The following PDE1B variants were observed in gnomAD, a reference collection of about 807,000 sequenced individuals.
The protein encoded by PDE1B is phosphodiesterase 1B.
Under a neutral mutation model 66.7 loss-of-function variants are expected in PDE1B, and 13 were observed. That is an observed-to-expected ratio of 0.19 (90% CI 0.13 to 0.31). The LOEUF is 0.31. Among genes scored for constraint, PDE1B ranks in the 10% least tolerant of loss-of-function variants. The pLI is 1.00. For synonymous variants in PDE1B, 230 were observed against 253.9 expected, an observed-to-expected ratio of 0.91 and a Z score of 0.90; for missense variants, 485 against 682.3, an observed-to-expected ratio of 0.71 and a Z score of 3.22.
rs1957588965 is a variant in PDE1B, at chr12:54,569,994, C to A, written c.478-247C>A. ...GGATTACAGACGTGAGCCACTGCGC[C>A]CGGCCTGCCTTCCCTTTTAACTGTT... is the stretch of plus-strand genomic sequence containing the variant. On this transcript the variant is annotated intron_variant, in intron 5 of 15. Transcript: ENST00000243052. The surrounding 1 kb of genome is among the most constrained non-coding windows in gnomAD (Gnocchi z 4.4). 6.6e-6 allele frequency among the ~76,000 whole-genome samples: 1 copy of A among 152,210 alleles called. No individual in the cohort carries two copies. Among genetic ancestry groups the A allele is most frequent in the Non-Finnish European group, 1.5e-5 (1 of 68,038 alleles).
chr12:54,552,514 T>C (rs573956361), intron 2 of PDE1B, among the ~76,000 whole-genome samples: 4 of 152,332 alleles, frequency 2.6e-5, no homozygotes. Context: ...ACATCCAGAC[T>C]TTCTTCAGGG....
Position 54,569,705 on chromosome 12 carries a change from T to TC in PDE1B, c.477+95dup, listed in dbSNP as rs1187596658. On this transcript the variant is annotated intron_variant, in intron 5 of 15. Coordinates refer to ENST00000243052, the MANE Select transcript of PDE1B (RefSeq NM_000924.4). This position sits in a 1 kb window ranked among gnomAD's most constrained non-coding sequence, Gnocchi z 4.4. ...CCTGTTTATGGCATTATTTTTGCCT[T>TC]CCTTTTTTTTTTTTGAAATGGAGTC... 1.2e-6 allele frequency: 1 copy of TC among 828,450 alleles called. No homozygotes were observed. The allele number at this position is 828,450 out of a possible 1,614,324, so 51.3% of individuals were successfully genotyped here.
At position 54,550,141 on chromosome 12, in the gene PDE1B, G is replaced by C; in HGVS notation, c.113+156G>C. 2.1e-6 allele frequency: 3 copies of C among 1,440,358 alleles called. No homozygotes were observed. The Admixed American group carries it at 7.8e-5, about 38-fold the overall frequency. 89.2% of individuals were successfully genotyped at this position (1,440,358 alleles called of 1,614,324 possible). A position where few individuals can be genotyped will look rare whatever the true frequency, so the allele number is the denominator to read the frequency against. On this transcript the variant is annotated intron_variant, in intron 2 of 15. Transcript: ENST00000243052. The stretch of plus-strand genomic sequence containing the variant: ...AGCACGGCCCTGACACGCGTGGCCA[G>C]GCCACATGTGCAAGGCATGTGCGGA...
Position 54,573,181 on chromosome 12 carries a change from A to T in PDE1B, c.769A>T (p.Ile257Phe), listed in dbSNP as rs143034173. The T allele has an allele frequency of 1.7e-5, 28 of 1,613,874 alleles. No homozygotes were observed. Among genetic ancestry groups the T allele is most frequent in the Non-Finnish European group, 2.3e-5 (27 of 1,179,984 alleles). The change falls in exon 8 of 16, where the codon ATC becomes TTC. Residue 257 changes from isoleucine (I) to phenylalanine (F), a missense_variant. By Grantham distance (21) the Ile-to-Phe change is conservative. Transcript: ENST00000243052. This position sits in a 1 kb window ranked among gnomAD's most constrained non-coding sequence, Gnocchi z 5.2. ...GTCGGAGATTGAGCTCCTGGCCATCATCTTTGCTGCAGCTATCCATGATTA... is the reference window on the plus strand; with the variant it reads ...GTCGGAGATTGAGCTCCTGGCCATCTTCTTTGCTGCAGCTATCCATGATTA... Reference protein sequence around the residue: ...CLSEIELLAIIFAAAIHDYEH... With the variant: ...CLSEIELLAIFFAAAIHDYEH...
Position 54,576,077 on chromosome 12 carries a change from C to T in PDE1B, c.1353C>T (p.Asp451=). Residue 451 remains aspartate, a synonymous_variant, in exon 13 of 16, where the codon GAC becomes GAT. Coordinates refer to ENST00000243052, the MANE Select transcript of PDE1B (RefSeq NM_000924.4). ...EKSVQPLADE[D]SKSKNQPSFQ... ...GTGTTCAGCCCCTGGCGGATGAGGA[C>T]TCCAAGTCTAAAAACCAGCCCAGGT... 6.2e-7 allele frequency: 1 copy of T among 1,612,174 alleles called. No homozygotes were observed. The highest frequency in any genetic ancestry group is 8.5e-7 in the Non-Finnish European group (1 of 1,178,194).
chr12:54,575,704 C>A lies in PDE1B; in HGVS notation c.1267+72C>A. On this transcript the variant is annotated intron_variant, in intron 12 of 15. Coordinates refer to ENST00000243052, the MANE Select transcript of PDE1B (RefSeq NM_000924.4). The surrounding 1 kb of genome is among the most constrained non-coding windows in gnomAD (Gnocchi z 4.0). ...GATGCTGCCTGGGTCAGGATTGCTC[C>A]AAGTCCTCAATCCCCCCAAACCATT... 1 of 1,078,448 alleles carries A rather than the reference C, an allele frequency of 9.3e-7. No individual in the cohort carries two copies. The highest frequency in any genetic ancestry group is 1.4e-6 in the Non-Finnish European group (1 of 702,002). 66.8% of individuals were successfully genotyped at this position (1,078,448 alleles called of 1,614,324 possible).
chr12:54,556,168 C>G (rs1399104086), intron 2 of PDE1B, among the ~76,000 whole-genome samples: 1 of 152,158 alleles, frequency 6.6e-6, no homozygotes, highest in Non-Finnish European at 1.5e-5. Flanking sequence ...TTTTCCAACT[C>G]TCTTCAGGAT....
At position 54,575,639 on chromosome 12, in the gene PDE1B, G is replaced by A; in HGVS notation, c.1267+7G>A. 6.3e-7 allele frequency: 1 copy of A among 1,590,540 alleles called. No homozygotes were observed. The highest frequency in any genetic ancestry group is 8.6e-7 in the Non-Finnish European group (1 of 1,160,238). On this transcript the variant is annotated splice_region_variant and intron_variant, in intron 12 of 15. Transcript: ENST00000243052. The surrounding 1 kb of genome is among the most constrained non-coding windows in gnomAD (Gnocchi z 4.0). ...GTGGCACAGTCTCAGATAGGTGAGT[G>A]TCCTCTCCTGCAGGAAGGGGAGGAC...
chr12:54,559,495 T>C (rs1957379503), intron 2 of PDE1B, among the ~76,000 whole-genome samples: 1 of 151,912 alleles, frequency 6.6e-6, no homozygotes, highest in Non-Finnish European at 1.5e-5. Context: ...GGTGTGTGTA[T>C]ATGTGTGTGT....
chr12:54,556,041 C>T (rs911911334), intron 2 of PDE1B, among the ~76,000 whole-genome samples: 1 of 152,154 alleles, frequency 6.6e-6, no homozygotes, highest in African/African-American at 2.4e-5. Context: ...TTCTGCAAGG[C>T]GTGTCTTTTG....
intron 2 of PDE1B, chr12:54,561,557 T>C (rs1332744864): frequency 2.7e-6 from 4 of 1,504,952 alleles, no homozygotes; most frequent in South Asian, 1.2e-5. Context: ...AGGATTTTGA[T>C]ACTCTGAAGC....
chr12:54,569,707 C>CT lies in PDE1B; in HGVS notation c.477+107dup, dbSNP rs71070829. On this transcript the variant is annotated intron_variant, in intron 5 of 15. Coordinates refer to ENST00000243052, the MANE Select transcript of PDE1B (RefSeq NM_000924.4). The surrounding 1 kb of genome is among the most constrained non-coding windows in gnomAD (Gnocchi z 4.4). ...TGTTTATGGCATTATTTTTGCCTTC[C>CT]TTTTTTTTTTTTGAAATGGAGTCTC... 271,018 of 653,840 alleles carry CT rather than the reference C, an allele frequency of 0.41. 21,546 individuals carry two copies. Among genetic ancestry groups the CT allele is most frequent in the Middle Eastern group, 0.5 (1,653 of 3,316 alleles). The allele number at this position is 653,840 out of a possible 1,614,324, so 40.5% of individuals were successfully genotyped here.
In PDE1B at chr12:54,575,280, A is replaced by G. The variant is rs1957713503; in HGVS notation, c.1185+62A>G. 6.9e-7 allele frequency: 1 copy of G among 1,459,416 alleles called. No homozygotes were observed. Among genetic ancestry groups the G allele is most frequent in the Non-Finnish European group, 9.6e-7 (1 of 1,043,352 alleles). The allele number at this position is 1,459,416 out of a possible 1,614,324, so 90.4% of individuals were successfully genotyped here. ...GGCCTTCTCTCCCCTTTTGCCCTCC[A>G]AGTTCCCCAATCCTGTTCCACATCC... On this transcript the variant is annotated intron_variant, in intron 11 of 15. Coordinates refer to ENST00000243052, the MANE Select transcript of PDE1B (RefSeq NM_000924.4). The surrounding 1 kb of genome is among the most constrained non-coding windows in gnomAD (Gnocchi z 4.0).
At chr12:54,552,003 A>T (rs1957284410) in intron 2 of PDE1B, among the ~76,000 whole-genome samples, 1 of 152,252 alleles carries the variant, frequency 6.6e-6, no homozygotes, top group Non-Finnish European at 1.5e-5. Flanking sequence ...CATGTAATAT[A>T]ACTTACCCAA....
chr12:54,569,064 G>C lies in PDE1B; in HGVS notation c.228-120G>C, dbSNP rs1803220603. 1.4e-6 allele frequency: 2 copies of C among 1,452,344 alleles called. No individual in the cohort carries two copies. The highest frequency in any genetic ancestry group is 2.9e-5 in the African/African-American group (2 of 70,062). The allele number at this position is 1,452,344 out of a possible 1,614,324, so 90.0% of individuals were successfully genotyped here. A position where few individuals can be genotyped will look rare whatever the true frequency, so the allele number is the denominator to read the frequency against. On this transcript the variant is annotated intron_variant, in intron 3 of 15. Coordinates refer to ENST00000243052, the MANE Select transcript of PDE1B (RefSeq NM_000924.4). The surrounding 1 kb of genome is among the most constrained non-coding windows in gnomAD (Gnocchi z 4.4). ...AGATATAGAGAAAGAAAGGAAACAG[G>C]GTTGAAGACAGAGAGCTGGCATGAG...
chr12:54,577,789 T>G, intron 15 of PDE1B, 71 bp from the exon 16 acceptor site: 1 of 410,042 alleles, frequency 2.4e-6, no homozygotes, highest in East Asian at 3.7e-5. Flanking sequence ...GGATCAGGAC[T>G]TGGAGAAGGA....
chr12:54,576,848 A>G, intron 14 of PDE1B, 147 bp downstream of exon 14: 2 of 799,560 alleles, frequency 2.5e-6, no homozygotes, highest in Non-Finnish European at 4.0e-6. Flanking sequence ...GTTAGATCAC[A>G]GGAAAGACTG....
chr12:54,568,012 C>A (rs919830116), intron 3 of PDE1B, among the ~76,000 whole-genome samples: 1 of 152,128 alleles, frequency 6.6e-6, no homozygotes, highest in Non-Finnish European at 1.5e-5. Flanking sequence ...TGTGCCACTA[C>A]GCCCAGCTAA....
At chr12:54,563,708 G>A (rs77342416) in intron 2 of PDE1B, among the ~76,000 whole-genome samples, 171 of 152,258 alleles carry the variant, frequency 1.1e-3, no homozygotes, top group South Asian at 1.9e-3. Flanking sequence ...GCCTTTTAAT[G>A]TATTATATCA....
Sources: gnomAD v4.1 joint callset for allele counts (sites outside exome capture counted in the v4.1 genomes callset) on GRCh38, gnomAD v4.1.1 for gene constraint, Gnocchi (gnomAD v3.1) non-coding constraint, MANE v1.5 for transcripts, NCBI Gene and HGNC (gene_info 2026-07-23, HGNC 2026-07-21) for gene names.